B3GALNT2: variants seen among roughly 807,000 people sequenced by gnomAD.
B3GALNT2 encodes the protein UDP-GalNAc:beta-1,3-N-acetylgalactosaminyltransferase 2.
B3GALNT2 carries 53 observed loss-of-function variants against 61.1 expected under a neutral mutation model. The observed-to-expected ratio is 0.87, with a 90% CI of 0.70 to 1.09. B3GALNT2 has a LOEUF of 1.09. Ranked by LOEUF, B3GALNT2 falls within the 50% of genes least tolerant of loss-of-function variation. The pLI, the probability that B3GALNT2 is intolerant of heterozygous loss-of-function variation, is 0.00. For missense variants in B3GALNT2, 544 were observed against 623.0 expected (o/e 0.87, Z 1.35); for synonymous variants, 223 against 237.4 (o/e 0.94, Z 0.56).
At position 235,474,987 on chromosome 1, in the gene B3GALNT2, A is replaced by AT. The variant is rs1160445883; in HGVS notation, c.652-4028dup. ...TATATATATATATATATATATATAT[A>AT]TTTTTTTTTTTTTTTTTTTTTTTGA... On this transcript the variant is annotated intron_variant, in intron 5 of 11. Transcript: ENST00000366600. 1.4e-3 allele frequency among the ~76,000 whole-genome samples: 50 copies of AT among 35,578 alleles called. 2 individuals are homozygous for AT. The highest frequency in any genetic ancestry group is 3.6e-3 in the East Asian group (4 of 1,122). 23.3% of individuals were successfully genotyped at this position (35,578 alleles called of 152,430 possible).
chr1:235,452,425 A>C (rs1253426823), intron 11 of B3GALNT2: 3 of 152,234 alleles, frequency 2.0e-5, no homozygotes, highest in African/African-American at 7.2e-5. Flanking sequence ...TGTGAATTAA[A>C]GCAACAGCAT....
At chr1:235,466,685 T>C (rs1336925357) in intron 6 of B3GALNT2, among the ~76,000 whole-genome samples, 2 of 152,194 alleles carry the variant, frequency 1.3e-5, no homozygotes, top group African/African-American at 2.4e-5. Flanking sequence ...CTTAAGCCTA[T>C]TGTGCCAGCA....
intron 7 of B3GALNT2, among the ~76,000 whole-genome samples, chr1:235,461,359 G>C (rs921498939): frequency 4.6e-5 from 7 of 152,144 alleles, no homozygotes; most frequent in Non-Finnish European, 8.8e-5. Flanking sequence ...AGATTCAGTA[G>C]GTCTGGGGTG....
At chr1:235,486,658 C>G (rs916461336) in intron 3 of B3GALNT2, among the ~76,000 whole-genome samples, 3 of 152,144 alleles carry the variant, frequency 2.0e-5, no homozygotes, top group African/African-American at 7.2e-5. Flanking sequence ...AAATTCATAA[C>G]CTAGGTATTA....
At chr1:235,480,925 A>C (rs1294115679) in intron 4 of B3GALNT2, among the ~76,000 whole-genome samples, 54 of 145,988 alleles carry the variant, frequency 3.7e-4, no homozygotes, top group African/African-American at 1.3e-3. Context: ...AAAAAAAAAA[A>C]AAAAAAAAAA....
At chr1:235,489,837 A>AT (rs1237700643) in intron 2 of B3GALNT2, among the ~76,000 whole-genome samples, 1 of 152,206 alleles carries the variant, frequency 6.6e-6, no homozygotes, top group Admixed American at 6.5e-5. Context: ...CTACAAAGAA[A>AT]TTAAAACTGC....
Position 235,447,529 on chromosome 1 carries a change from A to G in B3GALNT2, c.*2677T>C, listed in dbSNP as rs1236495945. On this transcript the variant is annotated 3_prime_UTR_variant, in exon 12 of 12. Coordinates refer to ENST00000366600, the MANE Select transcript of B3GALNT2 (RefSeq NM_152490.5). ...TGTTTAATACAGTTACACATGATGT[A>G]ATTACAGAATGGCGGCGCTGGAAGG... Among the ~76,000 whole-genome samples, 1 of 152,148 alleles carries G rather than the reference A, an allele frequency of 6.6e-6. No homozygotes were observed. Among genetic ancestry groups the G allele is most frequent in the African/African-American group, 2.4e-5 (1 of 41,450 alleles).
At chr1:235,503,125 T>C (rs909006422) in intron 1 of B3GALNT2, among the ~76,000 whole-genome samples, 3 of 152,268 alleles carry the variant, frequency 2.0e-5, no homozygotes, top group East Asian at 1.9e-4. Context: ...TTATAAGGCA[T>C]AGAGTGCTGA....
At chr1:235,443,220 G>T (rs1039075567), downstream of B3GALNT2, among the ~76,000 whole-genome samples, 2 of 150,860 alleles carry the variant, frequency 1.3e-5, no homozygotes, top group African/African-American at 4.9e-5. Flanking sequence ...AATTTTTTTT[G>T]AGACAGGGCC....
At chr1:235,498,421 T>C (rs1029538581) in intron 1 of B3GALNT2, among the ~76,000 whole-genome samples, 2 of 152,052 alleles carry the variant, frequency 1.3e-5, no homozygotes, top group African/African-American at 4.8e-5. Context: ...TCAATAAGAA[T>C]CAAGTTTGAA....
intron 1 of B3GALNT2, among the ~76,000 whole-genome samples, chr1:235,500,697 C>T (rs1025003932): frequency 6.6e-6 from 1 of 152,158 alleles, no homozygotes; most frequent in Non-Finnish European, 1.5e-5. Context: ...AAAGACACCT[C>T]CCAAAACACC....
intron 1 of B3GALNT2, among the ~76,000 whole-genome samples, chr1:235,498,288 CCA>C (rs1474718140): frequency 1.3e-5 from 2 of 152,058 alleles, no homozygotes; most frequent in East Asian, 3.9e-4. Flanking sequence ...CTAGTTGACT[CCA>C]GTGTCTAGAA....
chr1:235,481,429 G>C (rs565897745), intron 4 of B3GALNT2, among the ~76,000 whole-genome samples: 1 of 151,968 alleles, frequency 6.6e-6, no homozygotes, highest in East Asian at 1.9e-4. Flanking sequence ...ATGCAGCCTC[G>C]ACCTCCTGGG....
chr1:235,448,936 T>C lies in B3GALNT2; in HGVS notation c.*1270A>G. On this transcript the variant is annotated 3_prime_UTR_variant, in exon 12 of 12. Coordinates refer to ENST00000366600, the MANE Select transcript of B3GALNT2 (RefSeq NM_152490.5). ...AAGTGACCATTTCTAGGCTTATACA[T>C]AATAGCAATAATAAAGGCTTTGAAC... 1.7e-6 allele frequency: 1 copy of C among 575,728 alleles called. No homozygotes were observed. 35.7% of individuals were successfully genotyped at this position (575,728 alleles called of 1,614,324 possible).
intron 1 of B3GALNT2, among the ~76,000 whole-genome samples, chr1:235,499,557 G>A (rs965248425): frequency 2.6e-5 from 4 of 152,272 alleles, no homozygotes; most frequent in African/African-American, 7.2e-5. Context: ...TGAGGGCAAC[G>A]TAAGGGCCAA....
downstream of B3GALNT2, among the ~76,000 whole-genome samples, chr1:235,444,774 C>T (rs1682133713): frequency 6.6e-6 from 1 of 152,224 alleles, no homozygotes; most frequent in African/African-American, 2.4e-5. Flanking sequence ...TTTGCAGATA[C>T]ATCAAATCAA....
At chr1:235,458,423 G>A (rs1393108002) in intron 8 of B3GALNT2, among the ~76,000 whole-genome samples, 180 bp downstream of exon 8, 1 of 151,834 alleles carries the variant, frequency 6.6e-6, no homozygotes, top group African/African-American at 2.4e-5. Context: ...AGTGTCATGT[G>A]CCTGTAATCT....
intron 4 of B3GALNT2, among the ~76,000 whole-genome samples, chr1:235,480,649 A>C (rs1361726562): frequency 6.6e-6 from 1 of 152,094 alleles, no homozygotes; most frequent in Non-Finnish European, 1.5e-5. Flanking sequence ...TCACGCTTGT[A>C]ATCCCACCAC....
chr1:235,480,743 T>C (rs918584225), intron 4 of B3GALNT2, among the ~76,000 whole-genome samples: 8 of 151,128 alleles, frequency 5.3e-5, no homozygotes, highest in Non-Finnish European at 1.2e-4. Flanking sequence ...AAATTTCTAC[T>C]AAAAATACAA....
Sources: allele counts gnomAD v4.1 joint callset (sites outside exome capture counted in the v4.1 genomes callset), GRCh38; gene constraint gnomAD v4.1.1; transcripts MANE v1.5; gene names NCBI Gene and HGNC (gene_info 2026-07-23, HGNC 2026-07-21).